SRSF6: variants seen among roughly 807,000 people sequenced by gnomAD.
SRSF6 encodes the protein serine/arginine-rich splicing factor 6.
In SRSF6, 17 loss-of-function variants were observed where a neutral mutation model predicts 42.0. The ratio of observed to expected loss-of-function variants is 0.40; its 90% confidence interval spans 0.28 to 0.61. The LOEUF (loss-of-function observed/expected upper bound fraction) is 0.61, where lower values mean the gene tolerates loss of function less well. Among genes scored for constraint, SRSF6 ranks in the 20% least tolerant of loss-of-function variants. The pLI is 0.37. For missense variants in SRSF6, 379 were observed against 471.4 expected, an observed-to-expected ratio of 0.80 and a Z score of 1.81; for synonymous variants, 204 against 166.7, an observed-to-expected ratio of 1.22 and a Z score of -1.72.
chr20:43,460,766 G>A lies in SRSF6; in HGVS notation c.738G>A (p.Lys246=), dbSNP rs760249904. 5 of 1,614,128 alleles carry A rather than the reference G, an allele frequency of 3.1e-6. No homozygotes were observed. In the South Asian group the frequency reaches 3.3e-5, roughly 11 times the overall value. The part of the protein sequence containing the change: ...SRSKGRKSRS[K]SKSKPKSDRG... ...CAAAAGGCAGGAAATCTAGATCAAA[G>A]AGCAAATCTAAGCCCAAGTCTGATC... The change falls in exon 6 of 6, where the codon AAG becomes AAA. Residue 246 remains lysine (K), a synonymous_variant. Transcript: ENST00000244020.
At position 43,462,989 on chromosome 20, in the gene SRSF6, CAT is replaced by C. The variant is rs1268851540; in HGVS notation, c.*1928_*1929del. The C allele has an allele frequency of 1.3e-5, 2 of 152,566 alleles. No homozygotes were observed. Among genetic ancestry groups the C allele is most frequent in the Non-Finnish European group, 2.9e-5 (2 of 68,000 alleles). 9.5% of individuals were successfully genotyped at this position (152,566 alleles called of 1,614,324 possible). On this transcript the variant is annotated 3_prime_UTR_variant, in exon 6 of 6. Coordinates refer to ENST00000244020, the MANE Select transcript of SRSF6 (RefSeq NM_006275.6). ...AGTTCTCTTGTTTTCAGGGAAAGAA[CAT>C]AAAAGCTTTTTGAACTACAGCCTTT...
At chr20:43,458,892 G>A (rs1229385141) in intron 2 of SRSF6, among the ~76,000 whole-genome samples, 1 of 135,296 alleles carries the variant, frequency 7.4e-6, no homozygotes, top group Non-Finnish European at 1.6e-5. Flanking sequence ...GGGCGCGGGG[G>A]ACGGGGAAGG....
rs1292887363 is a variant in SRSF6, at chr20:43,461,404, T to G, written c.*341T>G. On this transcript the variant is annotated 3_prime_UTR_variant, in exon 6 of 6. Transcript: ENST00000244020. ...TTTCAGCAGGATCTGCTGGCAGGGTTTTTTTGTTTTATTTGTTTGCTTATT... is the reference window on the plus strand; with the variant it reads ...TTTCAGCAGGATCTGCTGGCAGGGTGTTTTTGTTTTATTTGTTTGCTTATT... The G allele has an allele frequency of 5.2e-6, 1 of 193,768 alleles. No homozygotes were observed. Among genetic ancestry groups the G allele is most frequent in the East Asian group, 1.2e-4 (1 of 8,208 alleles). 12.0% of individuals were successfully genotyped at this position (193,768 alleles called of 1,614,324 possible).
intron 4 of SRSF6, 133 bp from the exon 5 acceptor site, chr20:43,460,377 TTTCTG>T (rs1265319258): frequency 8.1e-7 from 1 of 1,241,364 alleles, no homozygotes; most frequent in African/African-American, 1.5e-5. Flanking sequence ...ATTGCGTTCT[TTTCTG>T]GATGTTTTGA....
chr20:43,463,602 G>A lies in SRSF6; in HGVS notation c.*2539G>A, dbSNP rs902616303. ...AATCTCAATAAAATACTTACTGAGG[G>A]AAAGGCTTGTTTTGAGTTTATTGCA... On this transcript the variant is annotated 3_prime_UTR_variant, in exon 6 of 6. Transcript: ENST00000244020. The A allele has an allele frequency of 1.3e-5, 2 of 152,676 alleles. No homozygotes were observed. The highest frequency in any genetic ancestry group is 4.8e-5 in the African/African-American group (2 of 41,448). The allele number at this position is 152,676 out of a possible 1,614,324, so 9.5% of individuals were successfully genotyped here.
At chr20:43,460,630 A>G (rs1167301205) in intron 5 of SRSF6, 32 bp downstream of exon 5, 2 of 1,612,934 alleles carry the variant, frequency 1.2e-6, no homozygotes, top group South Asian at 1.1e-5. Flanking sequence ...CACTGTGAAT[A>G]TTACCGTACT....
At chr20:43,460,348 T>C (rs943741995) in intron 4 of SRSF6, 107 bp downstream of exon 4, 51 of 1,414,490 alleles carry the variant, frequency 3.6e-5, no homozygotes, top group Non-Finnish European at 4.6e-5. Flanking sequence ...CAGCTTTTAG[T>C]TTGTTTTGGC....
chr20:43,462,801 A>G lies in SRSF6; in HGVS notation c.*1738A>G, dbSNP rs2017625114. The G allele has an allele frequency of 6.6e-6, 1 of 152,354 alleles. No homozygotes were observed. The highest frequency in any genetic ancestry group is 2.1e-4 in the South Asian group (1 of 4,834). 9.4% of individuals were successfully genotyped at this position (152,354 alleles called of 1,614,324 possible). A position where few individuals can be genotyped will look rare whatever the true frequency, so the allele number is the denominator to read the frequency against. ...AGGCGGATGCTTCTTCCATTATCTT[A>G]TTTTCTTTGATACTTTATTTAATTA... On this transcript the variant is annotated 3_prime_UTR_variant, in exon 6 of 6. Coordinates refer to ENST00000244020, the MANE Select transcript of SRSF6 (RefSeq NM_006275.6).
chr20:43,458,286 G>A, intron 1 of SRSF6, 75 bp from the exon 2 acceptor site: 1 of 1,409,056 alleles, frequency 7.1e-7, no homozygotes. Flanking sequence ...GCGCGCGGTG[G>A]GGTACGGGCG....
chr20:43,458,410 T>G lies in SRSF6; in HGVS notation c.157T>G (p.Tyr53Asp). 1.9e-6 allele frequency: 3 copies of G among 1,554,988 alleles called. No homozygotes were observed. The highest frequency in any genetic ancestry group is 2.6e-6 in the Non-Finnish European group (3 of 1,154,576). The change falls in exon 2 of 6, where the codon TAC (tyrosine) becomes GAC (aspartate). Residue 53 changes from tyrosine (Y) to aspartate (D), a missense_variant. Physicochemically the swap from Tyr to Asp is radical, Grantham distance 160. Coordinates refer to ENST00000244020, the MANE Select transcript of SRSF6 (RefSeq NM_006275.6). ...EDSRDADDAVYELNGKELCGE... is the reference protein window; with the variant it reads ...EDSRDADDAVDELNGKELCGE... ...CTCCCGCGACGCCGACGACGCCGTT[T>G]ACGAGCTGAACGGCAAGGAGCTCTG...
At position 43,458,391 on chromosome 20, in the gene SRSF6, C is replaced by T; in HGVS notation, c.138C>T (p.Arg46=). Residue 46 remains arginine (R), a synonymous_variant, in exon 2 of 6, where the codon CGC becomes CGT. Transcript: ENST00000244020. ...GYGFVEFEDS[R]DADDAVYELN... is the part of the protein sequence containing the mutation. ...GCTTCGTGGAGTTCGAGGACTCCCGCGACGCCGACGACGCCGTTTACGAGC... is the reference window on the plus strand; with the variant it reads ...GCTTCGTGGAGTTCGAGGACTCCCGTGACGCCGACGACGCCGTTTACGAGC... The T allele has an allele frequency of 6.4e-7, 1 of 1,555,134 alleles. No homozygotes were observed.
At position 43,462,690 on chromosome 20, in the gene SRSF6, T is replaced by A. The variant is rs1012919186; in HGVS notation, c.*1627T>A. On this transcript the variant is annotated 3_prime_UTR_variant, in exon 6 of 6. Coordinates refer to ENST00000244020, the MANE Select transcript of SRSF6 (RefSeq NM_006275.6). ...CAGAGTAGCTGTGAGTTCTTGGTAA[T>A]GTGAAAAAGGCCTTGTTTTTCAGAA... 3 of 152,204 alleles carry A rather than the reference T, an allele frequency of 2.0e-5. No individual in the cohort carries two copies. The highest frequency in any genetic ancestry group is 4.4e-5 in the Non-Finnish European group (3 of 68,042). The allele number at this position is 152,204 out of a possible 1,614,324, so 9.4% of individuals were successfully genotyped here.
chr20:43,460,154 G>C lies in SRSF6; in HGVS notation c.503G>C (p.Gly168Ala). 3 of 1,614,186 alleles carry C rather than the reference G, an allele frequency of 1.9e-6. No homozygotes were observed. The highest frequency in any genetic ancestry group is 2.5e-6 in the Non-Finnish European group (3 of 1,180,034). Residue 168 changes from glycine to alanine, a missense_variant, in exon 4 of 6, where the codon GGC (glycine) becomes GCC (alanine). Gly to Ala is a moderately conservative substitution (Grantham distance 60). Coordinates refer to ENST00000244020, the MANE Select transcript of SRSF6 (RefSeq NM_006275.6). ...AAGCGTGCTTTGGACAAACTGGATG[G>C]CACAGAAATAAATGGCAGAAATATT... ...DMKRALDKLD[G>A]TEINGRNIRL... is the part of the protein sequence containing the mutation.
rs1186931898 is a variant in SRSF6, at chr20:43,462,662, TCA to T, written c.*1602_*1603del. Reference sequence around the variant, plus strand: ...AATTTGAGTCAAATATCTAGGGCATTCACAGAGTAGCTGTGAGTTCTTGGTAA... The same window carrying T: ...AATTTGAGTCAAATATCTAGGGCATTCAGAGTAGCTGTGAGTTCTTGGTAA... On this transcript the variant is annotated 3_prime_UTR_variant, in exon 6 of 6. Coordinates refer to ENST00000244020, the MANE Select transcript of SRSF6 (RefSeq NM_006275.6). 6.6e-6 allele frequency: 1 copy of T among 152,208 alleles called. No individual in the cohort carries two copies. The highest frequency in any genetic ancestry group is 2.4e-5 in the African/African-American group (1 of 41,458). The allele number at this position is 152,208 out of a possible 1,614,324, so 9.4% of individuals were successfully genotyped here. A position where few individuals can be genotyped will look rare whatever the true frequency, so the allele number is the denominator to read the frequency against.
intron 2 of SRSF6, chr20:43,459,050 A>C: frequency 9.4e-7 from 1 of 1,068,778 alleles, no homozygotes; most frequent in Non-Finnish European, 1.3e-6. Context: ...TGTTATTGGG[A>C]GGAGGTTGGG....
At position 43,460,870 on chromosome 20, in the gene SRSF6, C is replaced by T. The variant is rs774524761; in HGVS notation, c.842C>T (p.Pro281Leu). 16 of 1,614,022 alleles carry T rather than the reference C, an allele frequency of 9.9e-6. No homozygotes were observed. The South Asian group carries it at 1.8e-4, about 18-fold the overall frequency. The change falls in exon 6 of 6, where the codon CCT (proline) becomes CTT (leucine). Residue 281 changes from proline (P) to leucine (L), a missense_variant. Pro to Leu is a moderately conservative substitution (Grantham distance 98). This residue lies in a region of SRSF6 where 219 missense variants were observed against 216.1 expected (regional missense o/e 1.01). Coordinates refer to ENST00000244020, the MANE Select transcript of SRSF6 (RefSeq NM_006275.6). ...KSRSRSRSRS[P>L]KENGKGDIKS... is the part of the protein sequence containing the mutation. ...CGAAGCAGGTCTCGGTCCCGATCCC[C>T]TAAAGAAAATGGAAAGGGTGATATA... is the stretch of plus-strand genomic sequence containing the variant.
At position 43,459,899 on chromosome 20, in the gene SRSF6, T is replaced by TTCAA. The variant is rs2017555596; in HGVS notation, c.381+4_381+5insTCAA. The TTCAA allele has an allele frequency of 6.2e-7, 1 of 1,602,378 alleles. No individual in the cohort carries two copies. Among genetic ancestry groups the TTCAA allele is most frequent in the African/African-American group, 1.3e-5 (1 of 74,170 alleles). On this transcript the variant is annotated splice_donor_region_variant and intron_variant, in intron 3 of 5. Coordinates refer to ENST00000244020, the MANE Select transcript of SRSF6 (RefSeq NM_006275.6). ...GTGCAGTTGGCAAGATTTAAAGGTATGTTTTGTAATTCAAGATAGAAATGA... is the reference window on the plus strand; with the variant it reads ...GTGCAGTTGGCAAGATTTAAAGGTATTCAAGTTTTGTAATTCAAGATAGAAATGA...
Position 43,461,587 on chromosome 20 carries a change from C to T in SRSF6, c.*524C>T, listed in dbSNP as rs2017601138. The T allele has an allele frequency of 6.6e-6, 1 of 152,184 alleles. No individual in the cohort carries two copies. The highest frequency in any genetic ancestry group is 6.6e-5 in the Admixed American group (1 of 15,202). The allele number at this position is 152,184 out of a possible 1,614,324, so 9.4% of individuals were successfully genotyped here. On this transcript the variant is annotated 3_prime_UTR_variant, in exon 6 of 6. Coordinates refer to ENST00000244020, the MANE Select transcript of SRSF6 (RefSeq NM_006275.6). ...TTATTGAATAGGTCACTATTAAATTCCTTTAAATGTTGATATCTGCCATTT... is the reference window on the plus strand; with the variant it reads ...TTATTGAATAGGTCACTATTAAATTTCTTTAAATGTTGATATCTGCCATTT...
At chr20:43,459,994 GTTT>G in intron 3 of SRSF6, 36 bp from the exon 4 acceptor site, 1 of 1,613,432 alleles carries the variant, frequency 6.2e-7, no homozygotes, top group Non-Finnish European at 8.5e-7. Context: ...GTATATAGAT[GTTT>G]TAAGATTTCC....
Sources: gnomAD v4.1 joint callset for allele counts (sites outside exome capture counted in the v4.1 genomes callset) on GRCh38, gnomAD v4.1.1 for gene constraint, gnomAD v4.1.1 regional missense constraint, MANE v1.5 for transcripts, NCBI Gene and HGNC (gene_info 2026-07-23, HGNC 2026-07-21) for gene names.